RBM33: variants seen among roughly 807,000 people sequenced by gnomAD.
RBM33 encodes the protein RNA-binding protein 33.
RBM33 carries 28 observed loss-of-function variants against 132.6 expected under a neutral mutation model. The observed-to-expected ratio is 0.21, with a 90% CI of 0.16 to 0.29. The LOEUF (loss-of-function observed/expected upper bound fraction) is 0.29, where lower values mean the gene tolerates loss of function less well. Among genes scored for constraint, RBM33 ranks in the 10% least tolerant of loss-of-function variants. RBM33 has a pLI of 1.00. For synonymous variants in RBM33, 634 were observed against 593.0 expected (o/e 1.07, Z -1.01); for missense variants, 1,291 against 1,518.5 (o/e 0.85, Z 2.49).
At chr7:155,748,673 T>G (rs1801596537) in intron 14 of RBM33, among the ~76,000 whole-genome samples, 1 of 152,076 alleles carries the variant, frequency 6.6e-6, no homozygotes. Context: ...GACCATAGGT[T>G]TTTGTAGTCT....
chr7:155,685,246 G>A (rs1191060979), intron 5 of RBM33, among the ~76,000 whole-genome samples: 4 of 152,196 alleles, frequency 2.6e-5, no homozygotes, highest in Non-Finnish European at 5.9e-5. Context: ...AGCGTGTGCC[G>A]TTTAAGTGTT....
chr7:155,673,759 CGCAT>C (rs201463884), intron 3 of RBM33, among the ~76,000 whole-genome samples: 1,787 of 64,830 alleles, frequency 0.028, 98 homozygotes, highest in African/African-American at 0.075. Context: ...TATATACGCG[CGCAT>C]GCGCGCACAC....
At position 155,739,958 on chromosome 7, in the gene RBM33, G is replaced by A. The variant is rs867359812; in HGVS notation, c.1981G>A (p.Val661Ile). ...GTCTCAGCCACAGTTCCGGCCTCACGTACAGACCGCTCAGCCTCAGGCCAG... is the reference window on the plus strand; with the variant it reads ...GTCTCAGCCACAGTTCCGGCCTCACATACAGACCGCTCAGCCTCAGGCCAG... ...PMSQPQFRPHVQTAQPQASSS... is the reference protein window; with the variant it reads ...PMSQPQFRPHIQTAQPQASSS... The change falls in exon 12 of 18, where the codon GTA (valine) becomes ATA (isoleucine). Residue 661 changes from valine to isoleucine, a missense_variant. By Grantham distance (29) the Val-to-Ile change is conservative (BLOSUM62 3). Transcript: ENST00000401878. 24 of 1,560,664 alleles carry A rather than the reference G, an allele frequency of 1.5e-5. No individual in the cohort carries two copies. Among genetic ancestry groups the A allele is most frequent in the Middle Eastern group, 1.7e-4 (1 of 6,020 alleles).
At chr7:155,721,307 C>T (rs1432764062) in intron 9 of RBM33, among the ~76,000 whole-genome samples, 1 of 152,162 alleles carries the variant, frequency 6.6e-6, no homozygotes, top group East Asian at 1.9e-4. Flanking sequence ...CGGGAGGGAG[C>T]ACATAGTTGT....
chr7:155,751,432 T>A (rs1436923583), intron 14 of RBM33, among the ~76,000 whole-genome samples: 1 of 152,244 alleles, frequency 6.6e-6, no homozygotes, highest in Non-Finnish European at 1.5e-5. Flanking sequence ...CATATTCAGA[T>A]TTTATTCACT....
At position 155,653,816 on chromosome 7, in the gene RBM33, G is replaced by T. The variant is rs149402015; in HGVS notation, c.43+8897G>T. Among the ~76,000 whole-genome samples the T allele has an allele frequency of 1.6e-3, 241 of 152,294 alleles. 2 individuals carry two copies. The highest frequency in any genetic ancestry group is 4.8e-3 in the African/African-American group (200 of 41,554). ...GTGAATTGTTATAGTAATAGCAATG[G>T]GGGGAGGTGTGATAACCCCAGAATT... On this transcript the variant is annotated intron_variant, in intron 1 of 17. Transcript: ENST00000401878.
At position 155,724,993 on chromosome 7, in the gene RBM33, TGTGTGTGTGTGTGTGTGTGTG is replaced by T. The variant is rs1563162071; in HGVS notation, c.1260+6551_1260+6571del. Among the ~76,000 whole-genome samples the T allele has an allele frequency of 6.8e-3, 642 of 94,942 alleles. 9 individuals carry two copies. Among genetic ancestry groups the T allele is most frequent in the African/African-American group, 0.025 (611 of 24,816 alleles). 62.3% of individuals were successfully genotyped at this position (94,942 alleles called of 152,430 possible). A position where few individuals can be genotyped will look rare whatever the true frequency, so the allele number is the denominator to read the frequency against. The stretch of plus-strand genomic sequence containing the variant: ...CTGTAAACATTTGTGTACAGGTTTG[TGTGTGTGTGTGTGTGTGTGTG>T]TGTGTGTGTGTGTGTGTGTGTGTAC... On this transcript the variant is annotated intron_variant, in intron 9 of 17. Transcript: ENST00000401878.
At chr7:155,673,727 C>A (rs1370062358) in intron 3 of RBM33, among the ~76,000 whole-genome samples, 1 of 145,002 alleles carries the variant, frequency 6.9e-6, no homozygotes, top group Non-Finnish European at 1.5e-5. Context: ...TATATACACA[C>A]ACATATATAC....
chr7:155,758,618 G>T (rs891540098), intron 14 of RBM33, among the ~76,000 whole-genome samples: 1 of 152,136 alleles, frequency 6.6e-6, no homozygotes, highest in Non-Finnish European at 1.5e-5. Flanking sequence ...TGAGGGTTGG[G>T]GACCCCTGCT....
At chr7:155,703,431 C>T (rs975871578) in intron 6 of RBM33, among the ~76,000 whole-genome samples, 3 of 152,108 alleles carry the variant, frequency 2.0e-5, no homozygotes, top group Non-Finnish European at 4.4e-5. Context: ...TGACCATTCT[C>T]AGAAACAATA....
intron 1 of RBM33, among the ~76,000 whole-genome samples, chr7:155,647,184 T>A (rs567239858): frequency 2.6e-5 from 4 of 152,320 alleles, no homozygotes; most frequent in African/African-American, 9.6e-5. Context: ...TTAAAAAAAA[T>A]TTCATGAACA....
At chr7:155,723,225 C>T (rs141206662) in intron 9 of RBM33, among the ~76,000 whole-genome samples, 29 of 152,336 alleles carry the variant, frequency 1.9e-4, no homozygotes, top group Admixed American at 5.2e-4. Context: ...TATTACAGCC[C>T]TTGCAGATGA....
chr7:155,701,705 T>G (rs1285851936), intron 6 of RBM33, among the ~76,000 whole-genome samples: 1 of 152,192 alleles, frequency 6.6e-6, no homozygotes, highest in Non-Finnish European at 1.5e-5. Flanking sequence ...GTTTTGTTTT[T>G]GAGACAGAGT....
intron 6 of RBM33, among the ~76,000 whole-genome samples, chr7:155,703,968 A>C (rs1554475360): frequency 6.6e-6 from 1 of 151,876 alleles, no homozygotes; most frequent in East Asian, 1.9e-4. Flanking sequence ...GTTTTCGCTG[A>C]TATTGTTAGT....
chr7:155,737,630 C>G lies in RBM33; in HGVS notation c.1361C>G (p.Pro454Arg), dbSNP rs370487003. 3 of 1,602,660 alleles carry G rather than the reference C, an allele frequency of 1.9e-6. No individual in the cohort carries two copies. Among genetic ancestry groups the G allele is most frequent in the Non-Finnish European group, 2.6e-6 (3 of 1,175,816 alleles). The change falls in exon 10 of 18, where the codon CCG becomes CGG. Residue 454 changes from proline (P) to arginine (R), a missense_variant. Around this residue, in one of 7 missense-constraint regions of RBM33, gnomAD observed 841 missense variants for 912.0 expected, o/e 0.92. Transcript: ENST00000401878. ...PLQDQWRAPP[P>R]PQDRDPFFLG... ...CAGGACCAGTGGAGAGCCCCACCCC[C>G]GCCTCAGGATCGAGACCCTTTCTTC...
At chr7:155,773,568 C>CAAAAAAAAAAAAAAAAAAAAAAAAAAAAA (rs201127157) in intron 16 of RBM33, among the ~76,000 whole-genome samples, 1 of 50,458 alleles carries the variant, frequency 2.0e-5, no homozygotes, top group African/African-American at 8.4e-5. Flanking sequence ...ACTCCATCTC[C>CAAAAAAAAAAAAAAAAAAAAAAAAAAAAA]AAAAAAAAAA....
intron 8 of RBM33, among the ~76,000 whole-genome samples, chr7:155,716,314 C>CGGTTTTTTTTTTTTTTTTTTTTTT (rs1226140340): frequency 2.3e-5 from 1 of 43,576 alleles, no homozygotes; most frequent in Non-Finnish European, 4.3e-5. Flanking sequence ...TCCTTTTCTG[C>CGGTTTTTTTTTTTTTTTTTTTTTT]TGTTTTTTTT....
intron 16 of RBM33, among the ~76,000 whole-genome samples, chr7:155,771,143 C>G (rs978769416): frequency 1.3e-5 from 2 of 152,168 alleles, no homozygotes; most frequent in Non-Finnish European, 2.9e-5. Context: ...AGACTTGAGA[C>G]AAATTCTAAC....
In RBM33 at chr7:155,766,514, G is replaced by C. The variant is rs181921287; in HGVS notation, c.3234G>C (p.Arg1078=). ...GAGGAGTGGCCGGTCCCATGGGCCG[G>C]GGGCGCCTGATGCCAAACAAGCAGA... The part of the protein sequence containing the change: ...RGRGVAGPMG[R]GRLMPNKQNL... The change falls in exon 16 of 18, where the codon CGG becomes CGC. Residue 1078 remains arginine, a synonymous_variant. Transcript: ENST00000401878. The C allele has an allele frequency of 1.9e-6, 3 of 1,613,816 alleles. No individual in the cohort carries two copies. The highest frequency in any genetic ancestry group is 2.2e-5 in the South Asian group (2 of 91,070).
Sources: allele counts gnomAD v4.1 joint callset (sites outside exome capture counted in the v4.1 genomes callset), GRCh38; gene constraint gnomAD v4.1.1; regional missense constraint gnomAD v4.1.1; transcripts MANE v1.5; gene names NCBI Gene and HGNC (gene_info 2026-07-23, HGNC 2026-07-21).